The following ZMYND8 variants were observed in gnomAD, a reference collection of about 807,000 sequenced individuals.
ZMYND8 encodes the protein MYND-type zinc finger-containing chromatin reader ZMYND8.
A neutral mutation model predicts 140.8 loss-of-function variants in ZMYND8; 37 were observed. The observed-to-expected ratio is 0.26, with a 90% CI of 0.20 to 0.35. The LOEUF (loss-of-function observed/expected upper bound fraction) is 0.35, where lower values mean the gene tolerates loss of function less well. Among genes scored for constraint, ZMYND8 ranks in the 10% least tolerant of loss-of-function variants. The pLI is 1.00. For synonymous variants in ZMYND8, 592 were observed against 597.1 expected (o/e 0.99, Z 0.12); for missense variants, 1,068 against 1,570.0 (o/e 0.68, Z 5.40).
At position 47,312,785 on chromosome 20, in the gene ZMYND8, G is replaced by A. The variant is rs1274918138; in HGVS notation, c.86-2581C>T. 8.4e-5 allele frequency among the ~76,000 whole-genome samples: 12 copies of A among 142,236 alleles called. No individual in the cohort carries two copies. The South Asian group carries it at 1.6e-3, about 18-fold the overall frequency. The allele number at this position is 142,236 out of a possible 152,430, so 93.3% of individuals were successfully genotyped here. A position where few individuals can be genotyped will look rare whatever the true frequency, so the allele number is the denominator to read the frequency against. ...AGTCTGGGCGACAGAGCGAGACTCC[G>A]TCTCAAAAAAAAAAAAAAAAAAGAG... On this transcript the variant is annotated intron_variant, in intron 2 of 22. Coordinates refer to ENST00000471951, the MANE Select transcript of ZMYND8 (RefSeq NM_001281775.3).
chr20:47,312,586 G>A (rs1601824719), intron 2 of ZMYND8, among the ~76,000 whole-genome samples: 3 of 152,180 alleles, frequency 2.0e-5, no homozygotes, highest in Admixed American at 1.3e-4. Flanking sequence ...GAGACAAAGA[G>A]GTCAGCCTAG....
intron 3 of ZMYND8, among the ~76,000 whole-genome samples, chr20:47,304,017 G>A (rs960993090): frequency 1.3e-5 from 2 of 152,118 alleles, no homozygotes; most frequent in Admixed American, 6.6e-5. Flanking sequence ...AGTGTTTCCT[G>A]TTCCATAAAA....
At position 47,210,818 on chromosome 20, in the gene ZMYND8, A is replaced by C. The variant is rs1462058482; in HGVS notation, c.3648T>G (p.Ser1216Arg). Residue 1216 changes from serine to arginine, a missense_variant, in exon 23 of 23, where the codon AGT (serine) becomes AGG (arginine). This residue lies in a region of ZMYND8 where 180 missense variants were observed against 187.8 expected (regional missense o/e 0.96). Coordinates refer to ENST00000471951, the MANE Select transcript of ZMYND8 (RefSeq NM_001281775.3). ...TCGGGAGGAGGCTCTTCGTGCTGGT[A>C]CTGGTGTTGTGATCGGAACGTGTCG... is the stretch of plus-strand genomic sequence containing the variant. ...RGSTRSDHNTSTSTKSLLPKE... is the reference protein window; with the variant it reads ...RGSTRSDHNTRTSTKSLLPKE... The C allele has an allele frequency of 1.2e-6, 2 of 1,613,894 alleles. No individual in the cohort carries two copies. Among genetic ancestry groups the C allele is most frequent in the Non-Finnish European group, 1.7e-6 (2 of 1,179,976 alleles).
chr20:47,250,798 C>T (rs1419543857), intron 12 of ZMYND8, among the ~76,000 whole-genome samples: 2 of 152,218 alleles, frequency 1.3e-5, no homozygotes, highest in African/African-American at 4.8e-5. Context: ...CCACCCAATC[C>T]ACTCACAGGT....
At chr20:47,286,169 A>G (rs1337401825) in intron 8 of ZMYND8, among the ~76,000 whole-genome samples, 3 of 149,832 alleles carry the variant, frequency 2.0e-5, no homozygotes, top group Non-Finnish European at 4.4e-5. Flanking sequence ...ATAAATTTAT[A>G]AGGATAGATT....
At chr20:47,317,203 G>A (rs116359903) in intron 2 of ZMYND8, among the ~76,000 whole-genome samples, 2,220 of 152,318 alleles carry the variant, frequency 0.015, 66 homozygotes, top group African/African-American at 0.051. Context: ...CTGGGAAAAG[G>A]TGGAAAGTCG....
chr20:47,222,264 G>C, intron 19 of ZMYND8, among the ~76,000 whole-genome samples: 1 of 152,244 alleles, frequency 6.6e-6, no homozygotes, highest in East Asian at 1.9e-4. Flanking sequence ...GGCCGGGTGC[G>C]GCGGCTCATG....
intron 11 of ZMYND8, among the ~76,000 whole-genome samples, chr20:47,272,251 G>T (rs559818559): frequency 2.0e-5 from 3 of 151,954 alleles, no homozygotes; most frequent in South Asian, 2.1e-4. Context: ...CTAATTTTTT[G>T]TATTTTTAGT....
At position 47,312,975 on chromosome 20, in the gene ZMYND8, A is replaced by AG. The variant is rs140039199; in HGVS notation, c.86-2772dup. 3.9e-4 allele frequency among the ~76,000 whole-genome samples: 60 copies of AG among 152,244 alleles called. No homozygotes were observed. In the East Asian group the frequency reaches 0.011, roughly 27 times the overall value. On this transcript the variant is annotated intron_variant, in intron 2 of 22. Coordinates refer to ENST00000471951, the MANE Select transcript of ZMYND8 (RefSeq NM_001281775.3). ...ACACATTCTACAAACATAGTGGAAA[A>AG]GGAGCAAAGGCAAGATGACTGCACT...
At chr20:47,216,502 A>AAAAAAAAAAAAG (rs2036138387) in intron 21 of ZMYND8, among the ~76,000 whole-genome samples, 1 of 124,328 alleles carries the variant, frequency 8.0e-6, no homozygotes, top group African/African-American at 3.5e-5. Context: ...TCTCAAAAAA[A>AAAAAAAAAAAAG]AAAAAAAAAA....
At chr20:47,267,293 G>T (rs907977302) in intron 11 of ZMYND8, among the ~76,000 whole-genome samples, 1 of 152,120 alleles carries the variant, frequency 6.6e-6, no homozygotes, top group African/African-American at 2.4e-5. Flanking sequence ...GCTGTTTGGT[G>T]GGTACAGGGT....
intron 19 of ZMYND8, 135 bp from the exon 20 acceptor site, chr20:47,221,609 G>A (rs925100800): frequency 3.9e-5 from 44 of 1,129,624 alleles, no homozygotes; most frequent in Admixed American, 3.5e-4. Flanking sequence ...GGAGGCTCAA[G>A]GGGGCCAGAT....
At chr20:47,252,302 A>C (rs1479668135) in intron 12 of ZMYND8, among the ~76,000 whole-genome samples, 1 of 151,042 alleles carries the variant, frequency 6.6e-6, no homozygotes, top group Non-Finnish European at 1.5e-5. Context: ...AAAAAAAAAA[A>C]AAAAAAAAAA....
chr20:47,274,595 G>A (rs1196540918), intron 11 of ZMYND8, among the ~76,000 whole-genome samples: 1 of 152,186 alleles, frequency 6.6e-6, no homozygotes, highest in African/African-American at 2.4e-5. Context: ...AGAAACAAGG[G>A]GGTAAAAAGG....
chr20:47,324,156 C>T (rs1264058243), intron 2 of ZMYND8, among the ~76,000 whole-genome samples: 5 of 141,226 alleles, frequency 3.5e-5, no homozygotes. Flanking sequence ...AAGCCGAGAT[C>T]ATGCCATTGC....
At chr20:47,341,344 T>C (rs1042519972) in intron 2 of ZMYND8, among the ~76,000 whole-genome samples, 3 of 149,994 alleles carry the variant, frequency 2.0e-5, no homozygotes, top group Non-Finnish European at 4.4e-5. Flanking sequence ...CTGGCTAACA[T>C]GGCAAAACCC....
intron 17 of ZMYND8, among the ~76,000 whole-genome samples, chr20:47,228,130 A>T (rs1368911466): frequency 1.3e-5 from 2 of 152,046 alleles, no homozygotes; most frequent in Non-Finnish European, 2.9e-5. Flanking sequence ...AAATAATAAT[A>T]AACAGTGTTT....
chr20:47,316,794 C>CA (rs895669943), intron 2 of ZMYND8, among the ~76,000 whole-genome samples: 2,256 of 101,054 alleles, frequency 0.022, 22 homozygotes, highest in Non-Finnish European at 0.03. Flanking sequence ...GACTCGCTCT[C>CA]AAAAAAAAAA....
intron 2 of ZMYND8, among the ~76,000 whole-genome samples, chr20:47,337,888 ATAAG>A (rs1237065309): frequency 6.6e-6 from 1 of 152,122 alleles, no homozygotes; most frequent in Non-Finnish European, 1.5e-5. Flanking sequence ...TACTCAGTTA[ATAAG>A]TGAGTATGTG....
Sources: allele counts gnomAD v4.1 joint callset (sites outside exome capture counted in the v4.1 genomes callset), GRCh38; gene constraint gnomAD v4.1.1; regional missense constraint gnomAD v4.1.1; transcripts MANE v1.5; gene names NCBI Gene and HGNC (gene_info 2026-07-23, HGNC 2026-07-21).